The following SPTLC2 variants were observed in gnomAD, a reference collection of about 807,000 sequenced individuals.
SPTLC2 encodes the protein serine palmitoyltransferase long chain base subunit 2.
Under a neutral mutation model 62.0 loss-of-function variants are expected in SPTLC2, and 21 were observed. The ratio of observed to expected loss-of-function variants is 0.34; its 90% confidence interval spans 0.24 to 0.49. The LOEUF (loss-of-function observed/expected upper bound fraction) is 0.49, where lower values mean the gene tolerates loss of function less well. Among genes scored for constraint, SPTLC2 ranks in the 20% least tolerant of loss-of-function variants. SPTLC2 has a pLI of 0.99. For synonymous variants in SPTLC2, 261 were observed against 261.8 expected, an observed-to-expected ratio of 1.00 and a Z score of 0.03; for missense variants, 511 against 713.0, an observed-to-expected ratio of 0.72 and a Z score of 3.23.
intron 2 of SPTLC2, among the ~76,000 whole-genome samples, chr14:77,583,534 G>C (rs1277780718): frequency 6.6e-6 from 1 of 152,118 alleles, no homozygotes; most frequent in Non-Finnish European, 1.5e-5. Context: ...CGCAAAGAGT[G>C]ATAGCCCCAC....
At chr14:77,557,647 G>T (rs1384187452) in intron 6 of SPTLC2, among the ~76,000 whole-genome samples, 1 of 152,194 alleles carries the variant, frequency 6.6e-6, no homozygotes. Flanking sequence ...CACCCAGGAC[G>T]TACTCAATAA....
At chr14:77,595,588 G>A (rs577588284) in intron 2 of SPTLC2, among the ~76,000 whole-genome samples, 49 of 152,094 alleles carry the variant, frequency 3.2e-4, no homozygotes, top group Non-Finnish European at 5.9e-4. Context: ...GAGAAAGGAT[G>A]CCTAATCTTG....
intron 3 of SPTLC2, 104 bp downstream of exon 3, chr14:77,578,851 G>A (rs2079731981): frequency 8.1e-7 from 1 of 1,230,164 alleles, no homozygotes; most frequent in Non-Finnish European, 1.2e-6. Context: ...ATCCTCAGCT[G>A]CTACTCCTAT....
chr14:77,539,022 T>C lies in SPTLC2; in HGVS notation c.1303+13074A>G, dbSNP rs114323355. Among the ~76,000 whole-genome samples the C allele has an allele frequency of 6.2e-3, 941 of 152,084 alleles. 15 individuals carry two copies. The highest frequency in any genetic ancestry group is 0.021 in the African/African-American group (887 of 41,452). On this transcript the variant is annotated intron_variant, in intron 9 of 11. Coordinates refer to ENST00000216484, the MANE Select transcript of SPTLC2 (RefSeq NM_004863.4). ...ATGGCAATGGGGATGATGATGATGA[T>C]GATAACTACCTACTAGATAAGGCTG...
rs1292129932 is a variant in SPTLC2, at chr14:77,557,026, A to G, written c.956+15T>C. The G allele has an allele frequency of 6.2e-7, 1 of 1,605,658 alleles. No individual in the cohort carries two copies. On this transcript the variant is annotated intron_variant, in intron 7 of 11. Coordinates refer to ENST00000216484, the MANE Select transcript of SPTLC2 (RefSeq NM_004863.4). ...GGGCCAAGTCACAAAGGTAAGAATAATAAAGCAGGATTACCTATATATTCC... is the reference window on the plus strand; with the variant it reads ...GGGCCAAGTCACAAAGGTAAGAATAGTAAAGCAGGATTACCTATATATTCC...
intron 2 of SPTLC2, among the ~76,000 whole-genome samples, chr14:77,589,962 A>G (rs1595008646): frequency 6.8e-6 from 1 of 146,448 alleles, no homozygotes; most frequent in Admixed American, 7.0e-5. Context: ...TGGATGATAG[A>G]GCAAGACCCT....
rs140836400 is a variant in SPTLC2, at chr14:77,527,053, C to T, written c.1304-5472G>A. 4.7e-3 allele frequency among the ~76,000 whole-genome samples: 708 copies of T among 150,876 alleles called. 4 individuals carry two copies. Among genetic ancestry groups the T allele is most frequent in the African/African-American group, 0.016 (667 of 41,072 alleles). On this transcript the variant is annotated intron_variant, in intron 9 of 11. Transcript: ENST00000216484. ...TCATGATCCACCTGCCTCGGCCTCC[C>T]AAAGTGCTGGGATTACAGGCGTGAG...
intron 2 of SPTLC2, among the ~76,000 whole-genome samples, chr14:77,587,244 T>C (rs193202562): frequency 7.7e-4 from 116 of 150,876 alleles, no homozygotes; most frequent in African/African-American, 2.7e-3. Context: ...AAAAAAAGAA[T>C]TCTCAAACAC....
At chr14:77,536,561 G>T (rs2079471992) in intron 9 of SPTLC2, among the ~76,000 whole-genome samples, 1 of 152,140 alleles carries the variant, frequency 6.6e-6, no homozygotes, top group African/African-American at 2.4e-5. Flanking sequence ...CACTCAAAAA[G>T]AAACCAGTAT....
intron 5 of SPTLC2, among the ~76,000 whole-genome samples, chr14:77,567,253 G>C (rs1340750295): frequency 6.6e-6 from 1 of 152,172 alleles, no homozygotes; most frequent in Non-Finnish European, 1.5e-5. Flanking sequence ...ACTGCGCCCG[G>C]CCCTGGAATA....
At chr14:77,571,772 A>G (rs1467370659) in intron 4 of SPTLC2, among the ~76,000 whole-genome samples, 1 of 152,022 alleles carries the variant, frequency 6.6e-6, no homozygotes, top group African/African-American at 2.4e-5. Flanking sequence ...TGAGGATCAA[A>G]AGAGATAATA....
intron 9 of SPTLC2, among the ~76,000 whole-genome samples, chr14:77,531,420 T>TTCTTCTTCTTCTTTTCTTCTTCTTCTTC (rs765804012): frequency 1.9e-4 from 25 of 129,748 alleles, no homozygotes; most frequent in African/African-American, 8.1e-4. Flanking sequence ...GGACCATGAC[T>TTCTTCTTCTTCTTTTCTTCTTCTTCTTC]TTCTTCTTCT....
intron 11 of SPTLC2, among the ~76,000 whole-genome samples, chr14:77,514,297 A>G (rs1483308619): frequency 2.0e-5 from 3 of 152,236 alleles, no homozygotes; most frequent in African/African-American, 7.2e-5. Context: ...CATTAGATAG[A>G]AAAAGAAATC....
chr14:77,583,834 G>A (rs944863289), intron 2 of SPTLC2, among the ~76,000 whole-genome samples: 4 of 152,080 alleles, frequency 2.6e-5, no homozygotes, highest in East Asian at 1.9e-4. Flanking sequence ...GAGAAGGAGC[G>A]AATACCTAAC....
intron 5 of SPTLC2, 93 bp from the exon 6 acceptor site, chr14:77,562,582 C>A: frequency 2.1e-6 from 2 of 940,598 alleles, no homozygotes; most frequent in Non-Finnish European, 3.4e-6. Flanking sequence ...ATAGCTGTAT[C>A]TTATTAAGGA....
At chr14:77,556,776 A>T (rs928505282) in intron 7 of SPTLC2, among the ~76,000 whole-genome samples, 2 of 152,210 alleles carry the variant, frequency 1.3e-5, no homozygotes, top group African/African-American at 4.8e-5. Context: ...GCCCCTACAT[A>T]TAGGTTCCCT....
chr14:77,532,802 TAA>T (rs200692960), intron 9 of SPTLC2, among the ~76,000 whole-genome samples: 3,638 of 111,426 alleles, frequency 0.033, 63 homozygotes, highest in Non-Finnish European at 0.052. Flanking sequence ...AAAATAAAAA[TAA>T]AAATAAATAA....
At chr14:77,552,288 TC>T in intron 8 of SPTLC2, 66 bp from the exon 9 acceptor site, 1 of 1,589,306 alleles carries the variant, frequency 6.3e-7, no homozygotes, top group Non-Finnish European at 8.6e-7. Context: ...GTCAGTCCTT[TC>T]CTTCTAAGTT....
intron 9 of SPTLC2, among the ~76,000 whole-genome samples, chr14:77,536,214 T>C (rs1009646607): frequency 1.3e-5 from 2 of 152,192 alleles, no homozygotes; most frequent in African/African-American, 2.4e-5. Context: ...TATAAATGGA[T>C]AGTGGTGATG....
Sources: gnomAD v4.1 joint callset for allele counts (sites outside exome capture counted in the v4.1 genomes callset) on GRCh38, gnomAD v4.1.1 for gene constraint, MANE v1.5 for transcripts, NCBI Gene and HGNC (gene_info 2026-07-23, HGNC 2026-07-21) for gene names.